Variants in PCNX1 observed in about 807,000 individuals in gnomAD.
PCNX1 encodes the protein pecanex-like protein 1.
In PCNX1, 78 loss-of-function variants were observed where a neutral mutation model predicts 242.2. That is an observed-to-expected ratio of 0.32 (90% CI 0.27 to 0.39). The LOEUF is 0.39. PCNX1 is among the 10% of genes least tolerant of loss of function. The probability of loss-of-function intolerance (pLI) is 1.00; values close to 1 mark genes in which losing one functional copy is unlikely to be tolerated. For synonymous variants in PCNX1, 1,024 were observed against 1,032.9 expected, an observed-to-expected ratio of 0.99 and a Z score of 0.17; for missense variants, 2,581 against 2,856.5, an observed-to-expected ratio of 0.90 and a Z score of 2.20.
chr14:70,985,573 GA>G (rs1320462427), intron 6 of PCNX1, among the ~76,000 whole-genome samples: 1 of 152,108 alleles, frequency 6.6e-6, no homozygotes, highest in Non-Finnish European at 1.5e-5. Flanking sequence ...ACAAATAAAT[GA>G]TTAGAAAGTT....
At chr14:71,009,457 C>T (rs2059760280) in intron 8 of PCNX1, among the ~76,000 whole-genome samples, 177 bp from the exon 9 acceptor site, 1 of 152,174 alleles carries the variant, frequency 6.6e-6, no homozygotes, top group Non-Finnish European at 1.5e-5. Flanking sequence ...TACTGTCCAA[C>T]GTTCCTTTTC....
At chr14:70,962,486 T>A (rs557719655) in intron 3 of PCNX1, among the ~76,000 whole-genome samples, 155 bp downstream of exon 3, 10 of 152,380 alleles carry the variant, frequency 6.6e-5, no homozygotes, top group African/African-American at 1.4e-4. Flanking sequence ...ATATTCTTTT[T>A]AAGTTACTTT....
rs921852899 is a variant in PCNX1 at position 70,999,918 on chromosome 14, A to G, written c.2629+3993A>G. 9.2e-5 allele frequency among the ~76,000 whole-genome samples: 14 copies of G among 152,290 alleles called. No homozygotes were observed. In the South Asian group the frequency reaches 2.7e-3, roughly 29 times the overall value. ...GCTATTAGTACTTGTCCTTGTTACT[A>G]TTAACACAGAGTCAGAGGACTGTAA... On this transcript the variant is annotated intron_variant, in intron 8 of 35. Coordinates refer to ENST00000304743, the MANE Select transcript of PCNX1 (RefSeq NM_014982.3).
intron 2 of PCNX1, among the ~76,000 whole-genome samples, chr14:70,949,303 A>ACG (rs1566608840): frequency 7.1e-6 from 1 of 141,186 alleles, no homozygotes; most frequent in African/African-American, 2.7e-5. Flanking sequence ...GTGTACACAC[A>ACG]TATGTGTGTA....
chr14:71,092,070 C>CA (rs1460346116), intron 30 of PCNX1, among the ~76,000 whole-genome samples: 2 of 152,174 alleles, frequency 1.3e-5, no homozygotes, highest in African/African-American at 4.8e-5. Flanking sequence ...CCCCACGAAA[C>CA]AGAGAAAAGT....
chr14:71,090,089 C>G (rs2062090929), intron 30 of PCNX1, among the ~76,000 whole-genome samples: 2 of 152,150 alleles, frequency 1.3e-5, no homozygotes, highest in African/African-American at 4.8e-5. Flanking sequence ...TGTGGTAACA[C>G]TTCAGGAATG....
At chr14:70,936,488 C>CATATACA (rs1223180133) in intron 1 of PCNX1, among the ~76,000 whole-genome samples, 3 of 152,202 alleles carry the variant, frequency 2.0e-5, no homozygotes, top group Non-Finnish European at 4.4e-5. Flanking sequence ...ACATAGTATT[C>CATATACA]CATGGTGTAT....
intron 2 of PCNX1, among the ~76,000 whole-genome samples, chr14:70,949,472 A>G (rs891617316): frequency 4.0e-5 from 6 of 151,452 alleles, no homozygotes; most frequent in African/African-American, 7.3e-5. Flanking sequence ...ACGCATGTGT[A>G]TATATATACA....
At chr14:70,949,264 T>G (rs539881555) in intron 2 of PCNX1, among the ~76,000 whole-genome samples, 212 of 25,206 alleles carry the variant, frequency 8.4e-3, no homozygotes, top group Non-Finnish European at 0.018. Flanking sequence ...CACACACACG[T>G]GTATGCACAC....
At position 70,971,115 on chromosome 14, in the gene PCNX1, G is replaced by GTTTT. The variant is rs1046870052; in HGVS notation, c.604+2042_604+2045dup. Among the ~76,000 whole-genome samples the GTTTT allele has an allele frequency of 9.0e-4, 13 of 14,518 alleles. 6 individuals carry two copies. The highest frequency in any genetic ancestry group is 2.2e-3 in the East Asian group (1 of 448). 9.5% of individuals were successfully genotyped at this position (14,518 alleles called of 152,430 possible). A position where few individuals can be genotyped will look rare whatever the true frequency, so the allele number is the denominator to read the frequency against. On this transcript the variant is annotated intron_variant, in intron 5 of 35. Coordinates refer to ENST00000304743, the MANE Select transcript of PCNX1 (RefSeq NM_014982.3). ...AATCTATGCTATACTACTTTATATA[G>GTTTT]TTTTTTTTTTTTTTTTTTTTTTTTT...
chr14:70,949,163 T>TAC, intron 2 of PCNX1, among the ~76,000 whole-genome samples: 1 of 141,464 alleles, frequency 7.1e-6, no homozygotes, highest in East Asian at 2.1e-4. Context: ...TATATATACT[T>TAC]ATAAATGCTT....
At chr14:71,028,347 A>G (rs896716070) in intron 15 of PCNX1, among the ~76,000 whole-genome samples, 25 of 152,004 alleles carry the variant, frequency 1.6e-4, no homozygotes, top group Non-Finnish European at 1.5e-5. Flanking sequence ...CACTTAATAC[A>G]TCTCCAGTTC....
At chr14:71,086,916 C>T (rs944345515) in intron 28 of PCNX1, among the ~76,000 whole-genome samples, 1 of 152,074 alleles carries the variant, frequency 6.6e-6, no homozygotes, top group Non-Finnish European at 1.5e-5. Context: ...GTATTCTGCC[C>T]AGTCTTTGGC....
chr14:71,108,087 G>A (rs191033498), intron 33 of PCNX1, among the ~76,000 whole-genome samples: 17 of 152,194 alleles, frequency 1.1e-4, no homozygotes, highest in African/African-American at 3.4e-4. Flanking sequence ...TGTACCCTTT[G>A]ACCAACACCT....
chr14:70,926,166 T>G (rs1414066975), intron 1 of PCNX1, among the ~76,000 whole-genome samples: 1 of 152,240 alleles, frequency 6.6e-6, no homozygotes, highest in Non-Finnish European at 1.5e-5. Flanking sequence ...TTGCATATAC[T>G]TAAAGTGAGA....
chr14:71,037,243 A>G (rs1393714743), intron 19 of PCNX1, among the ~76,000 whole-genome samples: 1 of 144,624 alleles, frequency 6.9e-6, no homozygotes, highest in African/African-American at 2.6e-5. Flanking sequence ...AACAGGGACA[A>G]TTTGACTTCC....
chr14:70,994,406 T>G lies in PCNX1; in HGVS notation c.2445-1335T>G, dbSNP rs1371230733. ...TAACCACAGGCTTAAGATATATATA[T>G]ATATATATATATATATATATATATG... On this transcript the variant is annotated intron_variant, in intron 7 of 35. Transcript: ENST00000304743. 5.3e-5 allele frequency among the ~76,000 whole-genome samples: 5 copies of G among 93,736 alleles called. 1 individual carries two copies. The highest frequency in any genetic ancestry group is 7.6e-5 in the African/African-American group (2 of 26,158). The allele number at this position is 93,736 out of a possible 152,430, so 61.5% of individuals were successfully genotyped here. A position where few individuals can be genotyped will look rare whatever the true frequency, so the allele number is the denominator to read the frequency against.
At chr14:70,996,025 CTA>C in intron 8 of PCNX1, 100 bp downstream of exon 8, 1 of 902,596 alleles carries the variant, frequency 1.1e-6, no homozygotes, top group Non-Finnish European at 1.8e-6. Flanking sequence ...CATTTTGGAA[CTA>C]TGCATAGGAG....
chr14:71,037,214 T>G (rs1454481866), intron 19 of PCNX1, among the ~76,000 whole-genome samples: 7 of 147,994 alleles, frequency 4.7e-5, no homozygotes, highest in African/African-American at 1.7e-4. Flanking sequence ...TTTCTAGATA[T>G]ACAATCATGT....
Sources: gnomAD v4.1 joint callset for allele counts (sites outside exome capture counted in the v4.1 genomes callset) on GRCh38, gnomAD v4.1.1 for gene constraint, MANE v1.5 for transcripts, NCBI Gene and HGNC (gene_info 2026-07-23, HGNC 2026-07-21) for gene names.